The following RBFOX1 variants were observed in gnomAD, a reference collection of about 807,000 sequenced individuals.
RBFOX1 encodes RNA binding protein fox-1 homolog 1.
A neutral mutation model predicts 57.7 loss-of-function variants in RBFOX1; 8 were observed. The observed-to-expected ratio is 0.14, with a 90% CI of 0.08 to 0.25. The LOEUF is 0.25. RBFOX1 is among the 10% of genes least tolerant of loss of function. The pLI is 1.00. For synonymous variants in RBFOX1, 326 were observed against 222.4 expected (o/e 1.47, Z -4.15); for missense variants, 611 against 548.5 (o/e 1.11, Z -1.14).
intron 3 of RBFOX1, among the ~76,000 whole-genome samples, chr16:5,621,309 C>G (rs1013873819): frequency 6.6e-6 from 1 of 152,178 alleles, no homozygotes; most frequent in Non-Finnish European, 1.5e-5. Context: ...TTTTAAAGAC[C>G]TGTCTCCAAA....
chr16:5,813,291 C>A (rs933420790), intron 3 of RBFOX1, among the ~76,000 whole-genome samples: 4 of 152,188 alleles, frequency 2.6e-5, no homozygotes, highest in Non-Finnish European at 5.9e-5. Flanking sequence ...TTAAAACATA[C>A]AATTCAGTGG....
chr16:5,385,669 CTG>C (rs1343967191), intron 1 of RBFOX1, among the ~76,000 whole-genome samples: 1 of 152,138 alleles, frequency 6.6e-6, no homozygotes, highest in African/African-American at 2.4e-5. Context: ...CCCATTGTCT[CTG>C]TAAGTTTCAG....
intron 1 of RBFOX1, among the ~76,000 whole-genome samples, chr16:5,412,328 A>T (rs1319629312): frequency 6.6e-6 from 1 of 152,260 alleles, no homozygotes; most frequent in Non-Finnish European, 1.5e-5. Context: ...AACTCTTAGC[A>T]TCATGCTAGG....
chr16:5,599,064 C>T (rs2047279958), exon 3 of RBFOX1: 2 of 1,052,554 alleles, frequency 1.9e-6, no homozygotes, highest in Admixed American at 2.0e-5. Context: ...ATGGTTTTTA[C>T]CTGAAACTGA....
chr16:5,748,180 T>G (rs1417148082), intron 3 of RBFOX1, among the ~76,000 whole-genome samples: 1 of 152,120 alleles, frequency 6.6e-6, no homozygotes, highest in South Asian at 2.1e-4. Flanking sequence ...TGTAGTTGAG[T>G]GGTTTTGAGT....
intron 5 of RBFOX1, among the ~76,000 whole-genome samples, chr16:7,549,116 G>A (rs1055286498): frequency 6.6e-6 from 1 of 152,228 alleles, no homozygotes; most frequent in African/African-American, 2.4e-5. Flanking sequence ...ATCCAGTCTG[G>A]TAAACAGTGG....
chr16:7,511,406 C>T (rs1235681721), intron 4 of RBFOX1, among the ~76,000 whole-genome samples: 1 of 152,168 alleles, frequency 6.6e-6, no homozygotes, highest in African/African-American at 2.4e-5. Flanking sequence ...TTCTCTCTGA[C>T]TCTGTCTCCT....
chr16:7,048,050 T>C (rs924662377), intron 3 of RBFOX1, among the ~76,000 whole-genome samples: 6 of 151,956 alleles, frequency 3.9e-5, no homozygotes, highest in Non-Finnish European at 5.9e-5. Flanking sequence ...GGCTAATTTT[T>C]GTATTTTTAG....
At chr16:7,261,180 T>C (rs1437121225) in intron 4 of RBFOX1, among the ~76,000 whole-genome samples, 1 of 152,214 alleles carries the variant, frequency 6.6e-6, no homozygotes, top group East Asian at 1.9e-4. Flanking sequence ...CTTGCTTGTT[T>C]TGGCTGTGTG....
chr16:6,620,308 G>C (rs745339770), intron 2 of RBFOX1, among the ~76,000 whole-genome samples: 1 of 152,160 alleles, frequency 6.6e-6, no homozygotes, highest in Non-Finnish European at 1.5e-5. Context: ...TGAGAACAAA[G>C]ATAAAATATA....
chr16:6,361,543 G>A (rs1038935264), intron 2 of RBFOX1, among the ~76,000 whole-genome samples: 2 of 151,638 alleles, frequency 1.3e-5, no homozygotes, highest in Non-Finnish European at 1.5e-5. Flanking sequence ...CAGAAGAATC[G>A]CTTGAACCCA....
chr16:6,304,651 A>G (rs2079238078), intron 1 of RBFOX1, among the ~76,000 whole-genome samples: 1 of 152,036 alleles, frequency 6.6e-6, no homozygotes, highest in South Asian at 2.1e-4. Flanking sequence ...GGGAGGTGGC[A>G]GCAAGCGGAT....
intron 3 of RBFOX1, among the ~76,000 whole-genome samples, chr16:6,978,073 C>A (rs1417479444): frequency 2.0e-5 from 3 of 151,908 alleles, no homozygotes; most frequent in South Asian, 4.2e-4. Flanking sequence ...TACCCCGCCC[C>A]CCTTCATGTG....
At chr16:5,377,948 G>A (rs1001729764) in intron 1 of RBFOX1, among the ~76,000 whole-genome samples, 4 of 151,510 alleles carry the variant, frequency 2.6e-5, no homozygotes, top group East Asian at 3.8e-4. Flanking sequence ...AGCCTATTCA[G>A]GTAATTTTCT....
intron 1 of RBFOX1, among the ~76,000 whole-genome samples, chr16:6,024,835 G>GT (rs978155998): frequency 5.9e-5 from 9 of 152,192 alleles, no homozygotes; most frequent in African/African-American, 2.2e-4. Context: ...GGCACCCACT[G>GT]TGTGCCAAGC....
chr16:6,731,121 T>C (rs565725858), intron 3 of RBFOX1, among the ~76,000 whole-genome samples: 305 of 152,254 alleles, frequency 2.0e-3, no homozygotes, highest in Non-Finnish European at 3.4e-3. Context: ...TTGGAAAGCC[T>C]GAATTAGAAG....
intron 4 of RBFOX1, among the ~76,000 whole-genome samples, chr16:7,112,679 G>GTGTGTGTGT (rs369771164): frequency 0.049 from 6,994 of 141,860 alleles, 269 homozygotes; most frequent in East Asian, 0.086. Context: ...TGTGTGTGTG[G>GTGTGTGTGT]GTGTGGGTGT....
intron 4 of RBFOX1, among the ~76,000 whole-genome samples, chr16:7,145,584 A>G (rs1011884410): frequency 1.7e-4 from 26 of 151,802 alleles, no homozygotes; most frequent in Non-Finnish European, 3.4e-4. Context: ...ATCTATATGC[A>G]CTTACTGTGT....
intron 3 of RBFOX1, among the ~76,000 whole-genome samples, chr16:6,955,151 G>A (rs1598303330): frequency 6.6e-6 from 1 of 151,976 alleles, no homozygotes; most frequent in Non-Finnish European, 1.5e-5. Flanking sequence ...TGAGGCAGGA[G>A]GATCAGTTGA....
Sources: gnomAD v4.1 joint callset for allele counts (sites outside exome capture counted in the v4.1 genomes callset) on GRCh38, gnomAD v4.1.1 for gene constraint, MANE v1.5 for transcripts, NCBI Gene and HGNC (gene_info 2026-07-23, HGNC 2026-07-21) for gene names.